Variants in ANO10 observed in about 807,000 individuals in gnomAD.
The protein encoded by ANO10 is anoctamin 10.
A neutral mutation model predicts 74.7 loss-of-function variants in ANO10; 77 were observed. The ratio of observed to expected loss-of-function variants is 1.03; its 90% CI spans 0.86 to 1.25. The LOEUF is 1.25. Ranked by LOEUF, ANO10 falls within the 50% of genes most tolerant of loss-of-function variation. The probability of loss-of-function intolerance (pLI) is 0.00; values close to 1 mark genes in which losing one functional copy is unlikely to be tolerated. For synonymous variants in ANO10, 279 were observed against 284.9 expected (o/e 0.98, Z 0.21); for missense variants, 721 against 778.1 (o/e 0.93, Z 0.87).
At chr3:43,406,263 G>A (rs1015559587) in intron 12 of ANO10, among the ~76,000 whole-genome samples, 1 of 152,192 alleles carries the variant, frequency 6.6e-6, no homozygotes, top group South Asian at 2.1e-4. Flanking sequence ...TGAGCAGACT[G>A]TACATCATCC....
At chr3:43,587,591 G>A (rs1252080381) in intron 4 of ANO10, among the ~76,000 whole-genome samples, 2 of 152,180 alleles carry the variant, frequency 1.3e-5, no homozygotes. Flanking sequence ...CAAGCTGACC[G>A]TAAAGCACTG....
intron 11 of ANO10, among the ~76,000 whole-genome samples, chr3:43,484,476 A>G (rs1419209815): frequency 2.6e-5 from 4 of 152,150 alleles, no homozygotes; most frequent in African/African-American, 9.7e-5. Context: ...CCCACAAGAG[A>G]CAGTTTTGCA....
chr3:43,532,564 TTG>T (rs1332434076), intron 11 of ANO10, among the ~76,000 whole-genome samples: 15 of 152,194 alleles, frequency 9.9e-5, no homozygotes, highest in Admixed American at 6.5e-4. Flanking sequence ...CAAAATTAAA[TTG>T]TTTTTTATAT....
intron 1 of ANO10, among the ~76,000 whole-genome samples, chr3:43,671,828 A>G (rs183520193): frequency 1.3e-5 from 2 of 152,296 alleles, no homozygotes; most frequent in East Asian, 3.9e-4. Flanking sequence ...CTGCAGCATA[A>G]GAAATTACAT....
At chr3:43,672,947 A>T (rs1330885767) in intron 1 of ANO10, among the ~76,000 whole-genome samples, 2 of 152,242 alleles carry the variant, frequency 1.3e-5, no homozygotes, top group African/African-American at 2.4e-5. Context: ...TGAATATTTG[A>T]CAATCAGCTC....
intron 11 of ANO10, among the ~76,000 whole-genome samples, chr3:43,508,658 G>C (rs1257220878): frequency 2.0e-5 from 3 of 152,078 alleles, no homozygotes; most frequent in Non-Finnish European, 4.4e-5. Flanking sequence ...CATGGATGAA[G>C]CTGGGAACCA....
chr3:43,664,575 A>G (rs144972961), intron 1 of ANO10, among the ~76,000 whole-genome samples: 7,691 of 152,312 alleles, frequency 0.05, 303 homozygotes, highest in South Asian at 0.12. Flanking sequence ...AACAGAAACT[A>G]TCATCAGAGT....
At position 43,605,923 on chromosome 3, in the gene ANO10, C is replaced by T. The variant is rs534031033; in HGVS notation, c.-11-60G>A. 2.6e-6 allele frequency: 4 copies of T among 1,562,942 alleles called. No individual in the cohort carries two copies. The South Asian group carries it at 3.4e-5, about 13-fold the overall frequency. On this transcript the variant is annotated intron_variant, in intron 1 of 12. Transcript: ENST00000292246. ...TGTTATTATGGCAAAGAGAAATATG[C>T]TATAGACTTCATTTTCTCCCAATTA...
intron 1 of ANO10, among the ~76,000 whole-genome samples, chr3:43,667,752 T>C (rs1031225607): frequency 8.5e-5 from 13 of 152,194 alleles, no homozygotes; most frequent in East Asian, 5.8e-4. Context: ...TCTATCCAAG[T>C]TGCTGCAAAA....
At chr3:43,429,067 A>C (rs1276291901) in intron 12 of ANO10, among the ~76,000 whole-genome samples, 2 of 152,150 alleles carry the variant, frequency 1.3e-5, no homozygotes, top group Non-Finnish European at 2.9e-5. Context: ...AGTGTACCTG[A>C]AGATATGGGA....
chr3:43,658,903 GGTGCT>G (rs1162526447), intron 1 of ANO10, among the ~76,000 whole-genome samples: 1 of 152,030 alleles, frequency 6.6e-6, no homozygotes, highest in African/African-American at 2.4e-5. Context: ...AGGTCTTTGG[GGTGCT>G]GGAATAGTCT....
chr3:43,372,754 GC>G (rs1268520570), intron 12 of ANO10: 9 of 1,205,740 alleles, frequency 7.5e-6, no homozygotes, highest in African/African-American at 1.5e-5. Context: ...AGAGAGCAGG[GC>G]CATGACTAGA....
At chr3:43,651,902 C>G (rs2083791886) in intron 1 of ANO10, among the ~76,000 whole-genome samples, 1 of 152,114 alleles carries the variant, frequency 6.6e-6, no homozygotes, top group Admixed American at 6.5e-5. Flanking sequence ...AAGACCATTT[C>G]CCCATCTTCT....
rs149226859 is a variant in ANO10 at position 43,618,927 on chromosome 3, G to A, written c.-12+2982C>T. Among the ~76,000 whole-genome samples, 48 of 152,022 alleles carry A rather than the reference G, an allele frequency of 3.2e-4. 2 individuals are homozygous for A. In the East Asian group the frequency reaches 6.2e-3, roughly 20 times the overall value. On this transcript the variant is annotated intron_variant, in intron 1 of 12. Transcript: ENST00000292246. ...CGCCATTCTCCTGCCTCAGCCTCCC[G>A]AGTAGCTGGAACTACAGGCATCCGC...
At chr3:43,655,495 C>T (rs925207221) in intron 1 of ANO10, among the ~76,000 whole-genome samples, 3 of 152,302 alleles carry the variant, frequency 2.0e-5, no homozygotes, top group Admixed American at 6.5e-5. Context: ...GGGACCCAAG[C>T]GGGTTGCCAC....
At chr3:43,616,615 G>A (rs550288792) in intron 1 of ANO10, among the ~76,000 whole-genome samples, 1 of 152,278 alleles carries the variant, frequency 6.6e-6, no homozygotes, top group Non-Finnish European at 1.5e-5. Flanking sequence ...AAGGCTCCAG[G>A]ACATAAGATG....
intron 10 of ANO10, chr3:43,551,661 T>C (rs1404855261): frequency 7.0e-6 from 3 of 428,772 alleles, no homozygotes; most frequent in South Asian, 3.4e-5. Flanking sequence ...TATGTCTTCC[T>C]GGTAATTTGA....
At chr3:43,545,099 A>G (rs2079124593) in intron 11 of ANO10, among the ~76,000 whole-genome samples, 2 of 152,086 alleles carry the variant, frequency 1.3e-5, no homozygotes, top group Non-Finnish European at 2.9e-5. Context: ...ATTTTTATAT[A>G]TTTATAGACT....
chr3:43,519,994 T>C (rs1001225319), intron 11 of ANO10, among the ~76,000 whole-genome samples: 1 of 152,142 alleles, frequency 6.6e-6, no homozygotes, highest in South Asian at 2.1e-4. Context: ...CAGAGATGGC[T>C]ATCTATTCAC....
Sources: allele counts gnomAD v4.1 joint callset (sites outside exome capture counted in the v4.1 genomes callset), GRCh38; gene constraint gnomAD v4.1.1; transcripts MANE v1.5; gene names NCBI Gene and HGNC (gene_info 2026-07-23, HGNC 2026-07-21).